Variants in ACYP2 observed in about 807,000 individuals in gnomAD.
ACYP2 encodes the protein acylphosphatase-2.
A neutral mutation model predicts 11.2 loss-of-function variants in ACYP2; 12 were observed. The observed-to-expected ratio is 1.08, with a 90% CI of 0.69 to 1.74. ACYP2 has a LOEUF of 1.74. Among genes scored for constraint, ACYP2 ranks in the 40% most tolerant of loss-of-function variants. The pLI is 0.00. For synonymous variants in ACYP2, 43 were observed against 32.2 expected (o/e 1.33, Z -1.13); for missense variants, 134 against 101.9 (o/e 1.31, Z -1.35).
chr2:54,166,124 G>T (rs564833970), intron 6 of ACYP2, among the ~76,000 whole-genome samples: 13 of 152,104 alleles, frequency 8.5e-5, no homozygotes, highest in Non-Finnish European at 1.6e-4. Context: ...CTCAATTACT[G>T]CCTGGTTAGT....
At chr2:54,233,715 T>C (rs1461624332) in intron 6 of ACYP2, among the ~76,000 whole-genome samples, 1 of 152,220 alleles carries the variant, frequency 6.6e-6, no homozygotes, top group Non-Finnish European at 1.5e-5. Flanking sequence ...GCATTACTAA[T>C]TGAAGTTTTG....
chr2:54,184,890 A>C (rs1353506155), intron 6 of ACYP2, among the ~76,000 whole-genome samples: 3 of 149,160 alleles, frequency 2.0e-5, no homozygotes, highest in African/African-American at 5.0e-5. Context: ...TCTGTCACCC[A>C]GGCTGGAGTG....
intron 6 of ACYP2, among the ~76,000 whole-genome samples, chr2:54,276,664 A>ACACACAC (rs1558662947): frequency 5.5e-5 from 7 of 126,556 alleles, no homozygotes; most frequent in Non-Finnish European, 1.1e-4. Context: ...CACACACACC[A>ACACACAC]CACACAAGAA....
intron 2 of ACYP2, among the ~76,000 whole-genome samples, chr2:54,035,008 T>C (rs1282683840): frequency 1.4e-4 from 3 of 20,888 alleles, no homozygotes; most frequent in African/African-American, 5.2e-4. Flanking sequence ...AGACTACATC[T>C]CAAAAAAAAA....
At chr2:54,263,550 G>C (rs1489473544) in intron 6 of ACYP2, among the ~76,000 whole-genome samples, 4 of 152,290 alleles carry the variant, frequency 2.6e-5, no homozygotes, top group South Asian at 2.1e-4. Context: ...CTTGAGCCCA[G>C]GAGTTGGAGC....
chr2:54,131,659 A>G (rs1015842565), intron 4 of ACYP2, among the ~76,000 whole-genome samples: 5 of 152,230 alleles, frequency 3.3e-5, no homozygotes, highest in African/African-American at 1.2e-4. Context: ...TATTACCAAC[A>G]CCAACTTGAA....
intron 6 of ACYP2, among the ~76,000 whole-genome samples, chr2:54,217,785 C>G (rs1416801803): frequency 6.6e-6 from 1 of 152,104 alleles, no homozygotes; most frequent in Non-Finnish European, 1.5e-5. Context: ...AGATAATTGT[C>G]AAACACATGC....
chr2:54,130,191 G>A (rs1680817531), intron 4 of ACYP2, among the ~76,000 whole-genome samples: 1 of 152,094 alleles, frequency 6.6e-6, no homozygotes, highest in Non-Finnish European at 1.5e-5. Flanking sequence ...TAAATTTGTT[G>A]GGGAATATTT....
chr2:54,041,030 C>G (rs1011513979), intron 2 of ACYP2, among the ~76,000 whole-genome samples: 1 of 152,150 alleles, frequency 6.6e-6, no homozygotes, highest in Non-Finnish European at 1.5e-5. Flanking sequence ...TAGGTGGTGT[C>G]TGGTTCACAA....
chr2:54,211,749 C>G (rs905077948), intron 6 of ACYP2, among the ~76,000 whole-genome samples: 9 of 152,194 alleles, frequency 5.9e-5, no homozygotes, highest in African/African-American at 2.2e-4. Context: ...TAAATGATGT[C>G]TACCATTTCT....
chr2:53,998,998 G>A (rs1396930662), intron 2 of ACYP2, among the ~76,000 whole-genome samples: 2 of 152,058 alleles, frequency 1.3e-5, no homozygotes, highest in Non-Finnish European at 2.9e-5. Context: ...TTACTTCCAT[G>A]CAAGTTTCAT....
chr2:54,188,146 G>C (rs775000283), intron 6 of ACYP2, among the ~76,000 whole-genome samples: 3 of 152,124 alleles, frequency 2.0e-5, no homozygotes, highest in Non-Finnish European at 4.4e-5. Context: ...GCAGAAAAGA[G>C]ACACACCCAG....
rs761460056 is a variant in ACYP2, at chr2:54,304,733, C to A, written c.450C>A (p.Asp150Glu). The A allele has an allele frequency of 5.0e-6, 8 of 1,612,142 alleles. No homozygotes were observed. The highest frequency in any genetic ancestry group is 6.8e-6 in the Non-Finnish European group (8 of 1,179,562). The change falls in exon 7 of 7, where the codon GAC becomes GAA. Residue 150 changes from aspartate to glutamate, a missense_variant. Asp to Glu is a conservative substitution (Grantham distance 45, BLOSUM62 2). Coordinates refer to ENST00000607452, the MANE Select transcript of ACYP2 (RefSeq NM_001320586.2). ...TTGGAAGCCCTAGTTCTCGCATTGACCGCACAAACTTTTCTAATGAAAAAA... is the reference window on the plus strand; with the variant it reads ...TTGGAAGCCCTAGTTCTCGCATTGAACGCACAAACTTTTCTAATGAAAAAA...
chr2:54,024,428 T>G (rs920426935), intron 2 of ACYP2, among the ~76,000 whole-genome samples: 2 of 152,056 alleles, frequency 1.3e-5, no homozygotes, highest in African/African-American at 4.8e-5. Flanking sequence ...GCAGGGATGG[T>G]TTAACATACG....
At chr2:54,108,315 G>A (rs1272678920) in intron 4 of ACYP2, among the ~76,000 whole-genome samples, 1 of 152,212 alleles carries the variant, frequency 6.6e-6, no homozygotes, top group East Asian at 1.9e-4. Context: ...CAGCTAGAAA[G>A]AGATTGCAAT....
At chr2:54,067,239 AAC>A (rs1170370517) in intron 4 of ACYP2, among the ~76,000 whole-genome samples, 1 of 152,208 alleles carries the variant, frequency 6.6e-6, no homozygotes, top group African/African-American at 2.4e-5. Context: ...GATCACCAAC[AAC>A]AGTGTCAGCC....
At chr2:54,215,627 T>C (rs1685526114) in intron 6 of ACYP2, among the ~76,000 whole-genome samples, 2 of 152,174 alleles carry the variant, frequency 1.3e-5, no homozygotes, top group Admixed American at 1.3e-4. Context: ...CTTCCAGACT[T>C]GTAACTTCAC....
intron 6 of ACYP2, among the ~76,000 whole-genome samples, chr2:54,157,404 A>G (rs188401202): frequency 8.7e-4 from 133 of 152,298 alleles, no homozygotes; most frequent in African/African-American, 2.9e-3. Flanking sequence ...CTTTTAAATC[A>G]CTGCAGAATA....
chr2:54,198,718 TA>T (rs1171179529), intron 6 of ACYP2, among the ~76,000 whole-genome samples: 4 of 152,186 alleles, frequency 2.6e-5, no homozygotes, highest in African/African-American at 7.2e-5. Context: ...AAAAGACTTA[TA>T]AAAAATGAAC....
Sources: allele counts gnomAD v4.1 joint callset (sites outside exome capture counted in the v4.1 genomes callset), GRCh38; gene constraint gnomAD v4.1.1; transcripts MANE v1.5; gene names NCBI Gene and HGNC (gene_info 2026-07-23, HGNC 2026-07-21).